Variants in MDM2 observed in about 807,000 individuals in gnomAD.
MDM2 encodes E3 ubiquitin-protein ligase Mdm2.
MDM2 carries 11 observed loss-of-function variants against 64.3 expected under a neutral mutation model. The ratio of observed to expected loss-of-function variants is 0.17; its 90% CI spans 0.11 to 0.28. The LOEUF (loss-of-function observed/expected upper bound fraction) is 0.28. MDM2 is among the 10% of genes least tolerant of loss of function. MDM2 has a pLI of 1.00. For missense variants in MDM2, 388 were observed against 577.1 expected, an observed-to-expected ratio of 0.67 and a Z score of 3.36; for synonymous variants, 194 against 192.9, an observed-to-expected ratio of 1.01 and a Z score of -0.05.
At chr12:68,831,346 G>A (rs1352886522) in intron 8 of MDM2, among the ~76,000 whole-genome samples, 1 of 152,152 alleles carries the variant, frequency 6.6e-6, no homozygotes, top group African/African-American at 2.4e-5. Flanking sequence ...AGGGGGTGGT[G>A]TCTTATTTGC....
At chr12:68,821,858 G>GT (rs1211295657) in intron 5 of MDM2, among the ~76,000 whole-genome samples, 1 of 151,972 alleles carries the variant, frequency 6.6e-6, no homozygotes, top group African/African-American at 2.4e-5. Flanking sequence ...TTACTTGTGG[G>GT]TTTTTTTGTT....
At chr12:68,848,357 G>T (rs1884473319), downstream of MDM2, 1 of 152,292 alleles carries the variant, frequency 6.6e-6, no homozygotes, top group Admixed American at 6.5e-5. Context: ...TGGAGATGGG[G>T]TTTTGCCATG....
At chr12:68,815,597 A>G in intron 3 of MDM2, 3 of 405,988 alleles carry the variant, frequency 7.4e-6, no homozygotes, top group South Asian at 3.6e-5. Flanking sequence ...TTGTACCACT[A>G]TGCCTGGCTA....
At chr12:68,827,076 G>A (rs2136144856) in intron 7 of MDM2, among the ~76,000 whole-genome samples, 2 of 152,274 alleles carry the variant, frequency 1.3e-5, no homozygotes, top group East Asian at 3.9e-4. Flanking sequence ...TATTCAGGAG[G>A]CTGAGGCAGG....
intron 2 of MDM2, among the ~76,000 whole-genome samples, chr12:68,809,723 T>C (rs1416798734): frequency 2.0e-5 from 3 of 152,230 alleles, no homozygotes; most frequent in Non-Finnish European, 4.4e-5. Context: ...TTTAGATTTT[T>C]TGTGTGCGTA....
intron 8 of MDM2, among the ~76,000 whole-genome samples, chr12:68,830,614 G>C (rs1882716189): frequency 6.6e-6 from 1 of 152,158 alleles, no homozygotes; most frequent in African/African-American, 2.4e-5. Flanking sequence ...ATAGGCTCTT[G>C]AGCGGAAATA....
Position 68,835,964 on chromosome 12 carries a change from C to T in MDM2, c.820C>T (p.Leu274Phe), listed in dbSNP as rs1162032400. 6.2e-7 allele frequency: 1 copy of T among 1,608,718 alleles called. No individual in the cohort carries two copies. Among genetic ancestry groups the T allele is most frequent in the East Asian group, 2.2e-5 (1 of 44,726 alleles). The change falls in exon 9 of 11, where the codon CTC (leucine) becomes TTC (phenylalanine). Residue 274 changes from leucine (L) to phenylalanine (F), a missense_variant. This residue lies in a region of MDM2 where 168 missense variants were observed against 236.6 expected (regional missense o/e 0.71). Transcript: ENST00000258149. ...TAGCCTTAGTGAAGAAGGACAAGAA[C>T]TCTCAGATGAAGATGATGAGGTAGT... The part of the protein sequence containing the change: ...DYSLSEEGQE[L>F]SDEDDEVYQV...
At chr12:68,821,306 A>G (rs968373910) in intron 5 of MDM2, among the ~76,000 whole-genome samples, 3 of 151,964 alleles carry the variant, frequency 2.0e-5, no homozygotes, top group Non-Finnish European at 4.4e-5. Flanking sequence ...TCGGCCTTCC[A>G]AAGTCCTGGG....
rs1314077402 is a variant in MDM2 at position 68,840,079 on chromosome 12, TACTCTGTCTTAA to T, written c.*232_*243del. The T allele has an allele frequency of 6.3e-6, 3 of 474,882 alleles. No individual in the cohort carries two copies. The East Asian group carries it at 1.0e-4, about 16-fold the overall frequency. 29.4% of individuals were successfully genotyped at this position (474,882 alleles called of 1,614,324 possible). A position where few individuals can be genotyped will look rare whatever the true frequency, so the allele number is the denominator to read the frequency against. On this transcript the variant is annotated 3_prime_UTR_variant, in exon 11 of 11. Transcript: ENST00000258149. ...CCAACTCCTAATTTTAAATAATTTC[TACTCTGTCTTAA>T]ATGAGAAGTACTTGGTTTTTTTTTT...
chr12:68,808,363 C>A lies in MDM2; in HGVS notation c.-115C>A. On this transcript the variant is annotated 5_prime_UTR_variant, in exon 1 of 11. Coordinates refer to ENST00000258149, the MANE Select transcript of MDM2 (RefSeq NM_002392.6). The stretch of plus-strand genomic sequence containing the variant: ...ATTAGTGCGTACGAGCGCCCAGTGC[C>A]CTGGCCCGGAGAGTGGAATGATCCC... The A allele has an allele frequency of 4.9e-6, 7 of 1,421,832 alleles. No individual in the cohort carries two copies. The highest frequency in any genetic ancestry group is 6.9e-6 in the Non-Finnish European group (7 of 1,013,910). 88.1% of individuals were successfully genotyped at this position (1,421,832 alleles called of 1,614,324 possible).
At chr12:68,833,275 ATAT>A (rs1565743980) in intron 8 of MDM2, among the ~76,000 whole-genome samples, 6 of 71,288 alleles carry the variant, frequency 8.4e-5, no homozygotes, top group African/African-American at 2.4e-4. Context: ...TTATATATTT[ATAT>A]AAATATAAAT....
chr12:68,833,263 AAT>A (rs1184676649), intron 8 of MDM2, among the ~76,000 whole-genome samples: 1 of 121,374 alleles, frequency 8.2e-6, no homozygotes, highest in African/African-American at 2.9e-5. Flanking sequence ...ATATTTATAT[AAT>A]TATATATTTA....
At chr12:68,811,388 C>G (rs1260420254) in intron 2 of MDM2, among the ~76,000 whole-genome samples, 1 of 152,062 alleles carries the variant, frequency 6.6e-6, no homozygotes, top group Non-Finnish European at 1.5e-5. Flanking sequence ...AATTTCATAT[C>G]ATGCTTTGGA....
rs373303103 is a variant in MDM2 at position 68,820,481 on chromosome 12, TAATTA to T, written c.358+111_358+115del. The T allele has an allele frequency of 3.6e-4, 304 of 833,966 alleles. 1 individual carries two copies. The African/African-American group carries it at 4.6e-3, about 13-fold the overall frequency. 51.7% of individuals were successfully genotyped at this position (833,966 alleles called of 1,614,324 possible). ...TTGTGATTCTCTTTAAAAGTTGCTT[TAATTA>T]AATATTGTAATAAAAGTATGATAAA... is the stretch of plus-strand genomic sequence containing the variant. On this transcript the variant is annotated intron_variant, in intron 5 of 10. Coordinates refer to ENST00000258149, the MANE Select transcript of MDM2 (RefSeq NM_002392.6).
At chr12:68,834,434 T>C (rs1255334738) in intron 8 of MDM2, among the ~76,000 whole-genome samples, 1 of 147,194 alleles carries the variant, frequency 6.8e-6, no homozygotes, top group Non-Finnish European at 1.5e-5. Flanking sequence ...AGAGCAAGAC[T>C]CTTGTCTCAA....
chr12:68,820,658 G>C (rs1446020375), intron 5 of MDM2, among the ~76,000 whole-genome samples: 1 of 152,196 alleles, frequency 6.6e-6, no homozygotes, highest in Non-Finnish European at 1.5e-5. Flanking sequence ...GTTTAGGAGT[G>C]ATCTACCTTG....
intron 5 of MDM2, among the ~76,000 whole-genome samples, chr12:68,821,337 C>T (rs1031448849): frequency 2.6e-5 from 4 of 152,116 alleles, no homozygotes; most frequent in Non-Finnish European, 5.9e-5. Context: ...TGAGCCACTG[C>T]ACCCGGTCTC....
chr12:68,809,422 A>G, intron 2 of MDM2, 130 bp downstream of exon 2: 1 of 827,910 alleles, frequency 1.2e-6, no homozygotes, highest in Non-Finnish European at 2.0e-6. Context: ...AAAGTGTGCT[A>G]CCTCTGGCGT....
rs1294173107 is a variant in MDM2 at position 68,808,495 on chromosome 12, C to T, written c.14+4C>T. ...AACCCCGGATGGTGAGGAGCAGGTA[C>T]TGGCCCGGCAGCGAGCGGTCACTTT... On this transcript the variant is annotated splice_donor_region_variant and intron_variant, in intron 1 of 10. Transcript: ENST00000258149. The T allele has an allele frequency of 6.2e-7, 1 of 1,614,140 alleles. No individual in the cohort carries two copies. Among genetic ancestry groups the T allele is most frequent in the Non-Finnish European group, 8.5e-7 (1 of 1,179,998 alleles).
Sources: allele counts gnomAD v4.1 joint callset (sites outside exome capture counted in the v4.1 genomes callset), GRCh38; gene constraint gnomAD v4.1.1; regional missense constraint gnomAD v4.1.1; transcripts MANE v1.5; gene names NCBI Gene and HGNC (gene_info 2026-07-23, HGNC 2026-07-21).